The following UST variants were observed in gnomAD, a reference collection of about 807,000 sequenced individuals.
The protein encoded by UST is chondroitin sulfate 2-O-sulfotransferase.
UST carries 21 observed loss-of-function variants against 45.6 expected under a neutral mutation model. That is an observed-to-expected ratio of 0.46 (90% CI 0.33 to 0.66). The LOEUF (loss-of-function observed/expected upper bound fraction) is 0.66. UST is among the 30% of genes least tolerant of loss of function. The pLI is 0.02. For synonymous variants in UST, 215 were observed against 200.6 expected (o/e 1.07, Z -0.61); for missense variants, 463 against 512.4 (o/e 0.90, Z 0.93).
At chr6:148,899,153 G>A (rs1401866685) in intron 2 of UST, among the ~76,000 whole-genome samples, 3 of 129,778 alleles carry the variant, frequency 2.3e-5, no homozygotes, top group African/African-American at 8.9e-5. Flanking sequence ...AGGCTGGAGT[G>A]CAGTGGCAGG....
chr6:148,961,351 T>G (rs1192783959), intron 4 of UST, among the ~76,000 whole-genome samples: 1 of 152,214 alleles, frequency 6.6e-6, no homozygotes, highest in Admixed American at 6.5e-5. Context: ...GGCCTGACTC[T>G]TCTACTCTCT....
At chr6:148,773,481 T>G (rs1398696032) in intron 1 of UST, among the ~76,000 whole-genome samples, 2 of 151,886 alleles carry the variant, frequency 1.3e-5, no homozygotes, top group South Asian at 2.1e-4. Flanking sequence ...AAAAAGTGAT[T>G]GTTTTTCATG....
intron 5 of UST, among the ~76,000 whole-genome samples, chr6:149,007,463 AT>A (rs11312436): frequency 0.54 from 70,272 of 130,558 alleles, 17,948 homozygotes; most frequent in East Asian, 0.59. Flanking sequence ...AATTTTTTGT[AT>A]TTTTTTTTTT....
intron 2 of UST, among the ~76,000 whole-genome samples, chr6:148,931,866 C>T (rs940821525): frequency 2.0e-5 from 3 of 152,158 alleles, no homozygotes; most frequent in South Asian, 2.1e-4. Context: ...GGACAGAAGC[C>T]GCCAAGCACA....
intron 2 of UST, among the ~76,000 whole-genome samples, chr6:148,894,582 C>A (rs1156769908): frequency 6.6e-6 from 1 of 152,088 alleles, no homozygotes; most frequent in East Asian, 1.9e-4. Flanking sequence ...CCTATAGACA[C>A]CTTGATTTCA....
At chr6:148,905,810 G>A (rs1210813551) in intron 2 of UST, among the ~76,000 whole-genome samples, 1 of 152,192 alleles carries the variant, frequency 6.6e-6, no homozygotes, top group African/African-American at 2.4e-5. Flanking sequence ...TTGGGCTCCT[G>A]TTAGAGATCT....
intron 1 of UST, among the ~76,000 whole-genome samples, chr6:148,863,114 C>T (rs1778352342): frequency 6.6e-6 from 1 of 152,150 alleles, no homozygotes; most frequent in African/African-American, 2.4e-5. Flanking sequence ...TTCCATTCTC[C>T]CCGTCACTTT....
chr6:148,997,106 T>C (rs1781467213), intron 5 of UST, among the ~76,000 whole-genome samples: 1 of 152,224 alleles, frequency 6.6e-6, no homozygotes, highest in South Asian at 2.1e-4. Flanking sequence ...TGTTCTCATC[T>C]TCAGAGGATA....
intron 2 of UST, among the ~76,000 whole-genome samples, chr6:148,891,875 C>T (rs1779024820): frequency 6.6e-6 from 1 of 152,174 alleles, no homozygotes; most frequent in Admixed American, 6.5e-5. Flanking sequence ...TATCCGTTTT[C>T]TTCCAGTAAC....
intron 1 of UST, among the ~76,000 whole-genome samples, chr6:148,812,650 A>T (rs1213235541): frequency 6.6e-6 from 1 of 152,260 alleles, no homozygotes; most frequent in Non-Finnish European, 1.5e-5. Flanking sequence ...GGGTCTCCCC[A>T]TAGGGGTGCT....
intron 1 of UST, among the ~76,000 whole-genome samples, chr6:148,839,856 A>G (rs1021029650): frequency 1.3e-5 from 2 of 152,198 alleles, no homozygotes; most frequent in African/African-American, 4.8e-5. Flanking sequence ...TGTACAGAGA[A>G]GGTAAAAAGG....
At chr6:148,958,973 C>T (rs997206245) in intron 4 of UST, 1 of 152,290 alleles carries the variant, frequency 6.6e-6, no homozygotes, top group Non-Finnish European at 1.5e-5. Flanking sequence ...CCATGACCCC[C>T]TCACCTTCCT....
chr6:148,845,192 G>C (rs9485334), intron 1 of UST, among the ~76,000 whole-genome samples: 82,167 of 152,094 alleles, frequency 0.54, 23,188 homozygotes, highest in African/African-American at 0.68. Context: ...TCTGTTTTAA[G>C]TTCTTTGAGA....
chr6:149,004,220 CT>C (rs1781605340), intron 5 of UST, among the ~76,000 whole-genome samples: 1 of 152,182 alleles, frequency 6.6e-6, no homozygotes. Flanking sequence ...TCCCTCTTTT[CT>C]TTGAAGGTAA....
rs1032949984 is a variant in UST, at chr6:148,960,819, G to A, written c.528-3591G>A. Among the ~76,000 whole-genome samples, 7 of 152,290 alleles carry A rather than the reference G, an allele frequency of 4.6e-5. No individual in the cohort carries two copies. In the East Asian group the frequency reaches 7.7e-4, roughly 17 times the overall value. On this transcript the variant is annotated intron_variant, in intron 4 of 7. Transcript: ENST00000367463. Reference sequence around the variant, plus strand: ...GAGTACAAAACAGTCTTAATTCTCCGGGATAATTCTGGTCTTAAGTATTGA... The same window carrying A: ...GAGTACAAAACAGTCTTAATTCTCCAGGATAATTCTGGTCTTAAGTATTGA...
chr6:148,869,196 G>A (rs555757799), intron 1 of UST, among the ~76,000 whole-genome samples: 4 of 152,166 alleles, frequency 2.6e-5, no homozygotes, highest in Non-Finnish European at 5.9e-5. Context: ...TTTGGCTTTG[G>A]TGTAGTTTTG....
intron 7 of UST, among the ~76,000 whole-genome samples, chr6:149,028,581 A>G (rs2115023840): frequency 6.6e-6 from 1 of 152,320 alleles, no homozygotes; most frequent in Admixed American, 6.5e-5. Flanking sequence ...AAGAAACAAT[A>G]TTTCTGTATT....
intron 5 of UST, among the ~76,000 whole-genome samples, chr6:149,012,086 C>T (rs1156980380): frequency 2.0e-5 from 3 of 152,210 alleles, no homozygotes; most frequent in African/African-American, 7.2e-5. Context: ...GTGCTTACAA[C>T]AGGGAGAGCA....
At chr6:148,770,951 T>TA (rs141372232) in intron 1 of UST, among the ~76,000 whole-genome samples, 160 of 149,838 alleles carry the variant, frequency 1.1e-3, no homozygotes, top group Non-Finnish European at 1.8e-3. Flanking sequence ...TAATCTTGAT[T>TA]AAAAAAAAAA....
Sources: allele counts gnomAD v4.1 joint callset (sites outside exome capture counted in the v4.1 genomes callset), GRCh38; gene constraint gnomAD v4.1.1; transcripts MANE v1.5; gene names NCBI Gene and HGNC (gene_info 2026-07-23, HGNC 2026-07-21).